Variants in DOCK9 observed in about 807,000 individuals in gnomAD.
DOCK9 encodes dedicator of cytokinesis 9, also known as dedicator of cytokinesis protein 9.
DOCK9 carries 89 observed loss-of-function variants against 263.3 expected under a neutral mutation model. The observed-to-expected ratio is 0.34, with a 90% confidence interval of 0.28 to 0.40. The LOEUF (loss-of-function observed/expected upper bound fraction) is 0.40. DOCK9 is among the 10% of genes least tolerant of loss of function. The probability of loss-of-function intolerance (pLI) is 1.00; values close to 1 mark genes in which losing one functional copy is unlikely to be tolerated. For synonymous variants in DOCK9, 976 were observed against 973.1 expected (o/e 1.00, Z -0.06); for missense variants, 2,140 against 2,603.4 (o/e 0.82, Z 3.87).
At position 98,951,903 on chromosome 13, in the gene DOCK9, C is replaced by CTTTT. The variant is rs71114563; in HGVS notation, c.243+3528_243+3531dup. Among the ~76,000 whole-genome samples, 8 of 134,912 alleles carry CTTTT rather than the reference C, an allele frequency of 5.9e-5. No homozygotes were observed. The South Asian group carries it at 1.5e-3, about 25-fold the overall frequency. The allele number at this position is 134,912 out of a possible 152,430, so 88.5% of individuals were successfully genotyped here. A position where few individuals can be genotyped will look rare whatever the true frequency, so the allele number is the denominator to read the frequency against. ...ATGTACTTTACTTCATTAATATTCC[C>CTTTT]TTTTTTTTTTTGAGATGGAGTTTTC... On this transcript the variant is annotated intron_variant, in intron 2 of 52. Coordinates refer to ENST00000682017, the MANE Select transcript of DOCK9 (RefSeq NM_001366683.2).
chr13:99,013,428 T>C (rs1884860211), intron 1 of DOCK9, among the ~76,000 whole-genome samples: 1 of 152,208 alleles, frequency 6.6e-6, no homozygotes, highest in South Asian at 2.1e-4. Flanking sequence ...TGAATCTTGT[T>C]CTTGTTGTAC....
At chr13:99,017,245 T>C (rs1329391471) in intron 1 of DOCK9, among the ~76,000 whole-genome samples, 1 of 152,198 alleles carries the variant, frequency 6.6e-6, no homozygotes, top group Non-Finnish European at 1.5e-5. Context: ...GAAATCACAA[T>C]GCTGACAGAT....
At chr13:98,942,224 T>G (rs1267894505) in intron 2 of DOCK9, among the ~76,000 whole-genome samples, 2 of 135,958 alleles carry the variant, frequency 1.5e-5, no homozygotes, top group African/African-American at 6.3e-5. Flanking sequence ...GGTTATGTTT[T>G]TTTTTTTGTT....
chr13:98,820,598 G>A (rs2092208428), intron 45 of DOCK9: 1 of 330,324 alleles, frequency 3.0e-6, no homozygotes, highest in African/African-American at 2.2e-5. Context: ...TCCATCCCAG[G>A]TACATTACTC....
chr13:98,942,869 C>A (rs1344774944), intron 2 of DOCK9, among the ~76,000 whole-genome samples: 1 of 152,118 alleles, frequency 6.6e-6, no homozygotes, highest in Admixed American at 6.5e-5. Context: ...ATGTGTGTAC[C>A]TACACATATC....
chr13:98,887,125 TTA>T lies in DOCK9; in HGVS notation c.2044-503_2044-502del, dbSNP rs1160298057. Among the ~76,000 whole-genome samples, 247 of 102,496 alleles carry T rather than the reference TTA, an allele frequency of 2.4e-3. 5 individuals carry two copies. The highest frequency in any genetic ancestry group is 9.4e-3 in the East Asian group (28 of 2,964). 67.2% of individuals were successfully genotyped at this position (102,496 alleles called of 152,430 possible). ...ATTTCTTGAGGACAGATACTATATT[TTA>T]TATATATATATATATATTTTTTTTT... is the stretch of plus-strand genomic sequence containing the variant. On this transcript the variant is annotated intron_variant, in intron 18 of 52. Coordinates refer to ENST00000682017, the MANE Select transcript of DOCK9 (RefSeq NM_001366683.2).
intron 25 of DOCK9, 68 bp downstream of exon 25, chr13:98,881,490 A>C: frequency 7.5e-7 from 1 of 1,328,546 alleles, no homozygotes; most frequent in South Asian, 1.3e-5. Context: ...CTTGTGAAAA[A>C]ATAAGTCCTT....
chr13:98,883,016 G>T (rs2045075042), intron 23 of DOCK9, 26 bp downstream of exon 23: 12 of 1,593,674 alleles, frequency 7.5e-6, no homozygotes, highest in Non-Finnish European at 1.0e-5. Context: ...CACTTAAAAG[G>T]GGATACTAAG....
intron 48 of DOCK9, among the ~76,000 whole-genome samples, chr13:98,806,699 G>A (rs1432899967): frequency 3.3e-5 from 5 of 152,062 alleles, no homozygotes; most frequent in African/African-American, 7.2e-5. Context: ...ACTTGAGGTC[G>A]GGAGTTGGAG....
At chr13:98,845,373 C>T in intron 38 of DOCK9, 1 of 1,354,954 alleles carries the variant, frequency 7.4e-7, no homozygotes, top group South Asian at 1.2e-5. Context: ...CTTTCTCACA[C>T]TGAAAACACA....
In DOCK9 at chr13:99,042,978, G is replaced by A. The variant is rs72651886; in HGVS notation, c.129+43245C>T. Among the ~76,000 whole-genome samples, 850 of 152,320 alleles carry A rather than the reference G, an allele frequency of 5.6e-3. 4 individuals are homozygous for A. Among genetic ancestry groups the A allele is most frequent in the Non-Finnish European group, 8.5e-3 (576 of 68,018 alleles). The stretch of plus-strand genomic sequence containing the variant: ...ATAGGGCCTTACAAGGCCCCAAGCA[G>A]CTATGGCCCTTCTGAGCTCTCTGAC... On this transcript the variant is annotated intron_variant, in intron 1 of 32. Transcript: ENST00000427887.
chr13:98,800,934 C>T (rs1381873830), intron 49 of DOCK9, among the ~76,000 whole-genome samples: 3 of 152,118 alleles, frequency 2.0e-5, no homozygotes, highest in Non-Finnish European at 4.4e-5. Flanking sequence ...AACTTTGAAT[C>T]ACATGCTAAG....
intron 1 of DOCK9, among the ~76,000 whole-genome samples, chr13:99,080,918 G>A (rs1339413561): frequency 2.6e-5 from 4 of 152,138 alleles, no homozygotes; most frequent in Middle Eastern, 3.2e-3. Flanking sequence ...CCCCAGGGTC[G>A]GCCCTCAGTA....
intron 43 of DOCK9, among the ~76,000 whole-genome samples, chr13:98,827,614 C>T (rs1471061316): frequency 1.3e-5 from 2 of 152,220 alleles, no homozygotes; most frequent in African/African-American, 4.8e-5. Flanking sequence ...TCCACGTGCA[C>T]GTGTGTCAAC....
At chr13:98,995,485 CTT>C (rs140398881) in intron 1 of DOCK9, among the ~76,000 whole-genome samples, 2,804 of 121,404 alleles carry the variant, frequency 0.023, 39 homozygotes, top group South Asian at 0.069. Flanking sequence ...GAGGAAGATA[CTT>C]TTTTTTTTTT....
intron 3 of DOCK9, among the ~76,000 whole-genome samples, chr13:98,927,240 G>T (rs1176263123): frequency 1.3e-5 from 2 of 152,192 alleles, no homozygotes; most frequent in Non-Finnish European, 2.9e-5. Context: ...CCTTGAAAAT[G>T]ATTTTTTTAG....
intron 1 of DOCK9, among the ~76,000 whole-genome samples, chr13:98,973,408 G>C (rs2059927595): frequency 6.6e-6 from 1 of 152,122 alleles, no homozygotes; most frequent in Non-Finnish European, 1.5e-5. Context: ...ATAAGGTACT[G>C]GTGTGTCCAA....
chr13:98,824,569 T>G, intron 44 of DOCK9, 65 bp from the exon 45 acceptor site: 1 of 1,412,416 alleles, frequency 7.1e-7, no homozygotes, highest in Non-Finnish European at 1.0e-6. Flanking sequence ...CCCTGAGGGT[T>G]TTTCCTGCCC....
At chr13:98,813,161 G>A (rs1368503308) in intron 45 of DOCK9, among the ~76,000 whole-genome samples, 1 of 152,140 alleles carries the variant, frequency 6.6e-6, no homozygotes, top group Non-Finnish European at 1.5e-5. Context: ...AAGTTCTTCG[G>A]GATTTTCTCT....
Sources: gnomAD v4.1 joint callset for allele counts (sites outside exome capture counted in the v4.1 genomes callset) on GRCh38, gnomAD v4.1.1 for gene constraint, MANE v1.5 for transcripts, NCBI Gene and HGNC (gene_info 2026-07-23, HGNC 2026-07-21) for gene names.